KICS2: variants seen among roughly 807,000 people sequenced by gnomAD.
KICS2 encodes KICSTOR subunit 2.
KICS2 carries 13 observed loss-of-function variants against 31.4 expected under a neutral mutation model. The observed-to-expected ratio is 0.41, with a 90% CI of 0.27 to 0.66. The LOEUF is 0.66. Among genes scored for constraint, KICS2 ranks in the 30% least tolerant of loss-of-function variants. The pLI is 0.28. For synonymous variants in KICS2, 209 were observed against 214.8 expected, an observed-to-expected ratio of 0.97 and a Z score of 0.24; for missense variants, 455 against 545.4, an observed-to-expected ratio of 0.83 and a Z score of 1.65.
At chr12:64,196,659 G>A (rs1378676344) in intron 2 of KICS2, among the ~76,000 whole-genome samples, 16 of 147,918 alleles carry the variant, frequency 1.1e-4, no homozygotes, top group African/African-American at 3.7e-4. Flanking sequence ...TCTGAGCTAC[G>A]GGAGGACATT....
At chr12:64,221,004 T>A (rs2037676396) in intron 1 of KICS2, among the ~76,000 whole-genome samples, 1 of 151,138 alleles carries the variant, frequency 6.6e-6, no homozygotes, top group Non-Finnish European at 1.5e-5. Context: ...CTACAGCAAT[T>A]ACGAACTCAG....
At position 64,212,585 on chromosome 12, in the gene KICS2, T is replaced by A. The variant is rs78168194; in HGVS notation, c.521+3093A>T. On this transcript the variant is annotated intron_variant, in intron 2 of 2. Coordinates refer to ENST00000398055, the MANE Select transcript of KICS2 (RefSeq NM_152440.5). The stretch of plus-strand genomic sequence containing the variant: ...ATTTATCCATTCATCCATTGGTCAA[T>A]GGACATTTGGGTTGCTTCTGCCCTT... Among the ~76,000 whole-genome samples the A allele has an allele frequency of 4.1e-4, 62 of 152,326 alleles. 1 individual carries two copies. The highest frequency in any genetic ancestry group is 1.4e-3 in the African/African-American group (60 of 41,580).
At chr12:64,202,912 A>G (rs2037504144) in intron 2 of KICS2, among the ~76,000 whole-genome samples, 1 of 152,038 alleles carries the variant, frequency 6.6e-6, no homozygotes, top group Non-Finnish European at 1.5e-5. Flanking sequence ...ATTTTCACCA[A>G]TACTGTACTT....
chr12:64,192,461 TG>T lies in KICS2; in HGVS notation c.*1380del. The T allele has an allele frequency of 3.2e-6, 1 of 313,824 alleles. No homozygotes were observed. Among genetic ancestry groups the T allele is most frequent in the Non-Finnish European group, 4.6e-6 (1 of 216,058 alleles). 19.4% of individuals were successfully genotyped at this position (313,824 alleles called of 1,614,324 possible). A position where few individuals can be genotyped will look rare whatever the true frequency, so the allele number is the denominator to read the frequency against. ...CTTCTGCCAGGCAGTCCACCCTAGG[TG>T]GGCAGGCTTCCTACATGGACTCTGA... On this transcript the variant is annotated 3_prime_UTR_variant, in exon 3 of 3. Transcript: ENST00000398055.
chr12:64,221,581 ACT>A (rs1191748407), intron 1 of KICS2: 1 of 192,876 alleles, frequency 5.2e-6, no homozygotes, highest in Non-Finnish European at 1.1e-5. Context: ...TCTAAATGTG[ACT>A]CTCGGGCCTT....
chr12:64,187,597 C>T (rs1484861288), downstream of KICS2: 12 of 1,528,114 alleles, frequency 7.9e-6, no homozygotes, highest in East Asian at 2.4e-4. Flanking sequence ...TCTGGAGAAG[C>T]AGCTTAGAAT....
At chr12:64,201,786 T>C (rs1360439352) in intron 2 of KICS2, among the ~76,000 whole-genome samples, 1 of 151,908 alleles carries the variant, frequency 6.6e-6, no homozygotes, top group African/African-American at 2.4e-5. Context: ...GGGGCAAGGT[T>C]GCAGCGAGCT....
intron 2 of KICS2, among the ~76,000 whole-genome samples, chr12:64,197,032 T>C (rs1412636262): frequency 2.7e-5 from 3 of 112,740 alleles, no homozygotes; most frequent in Non-Finnish European, 5.4e-5. Context: ...CTCTGCAGGA[T>C]ATTATCCAGG....
At chr12:64,197,141 A>G (rs1227939179) in intron 2 of KICS2, among the ~76,000 whole-genome samples, 2 of 117,084 alleles carry the variant, frequency 1.7e-5, no homozygotes, top group Admixed American at 9.6e-5. Flanking sequence ...TCCAAGACAC[A>G]TAATTGTCAG....
rs552750361 is a variant in KICS2, at chr12:64,210,555, G to C, written c.521+5123C>G. Among the ~76,000 whole-genome samples the C allele has an allele frequency of 9.9e-5, 15 of 152,230 alleles. No homozygotes were observed. In the South Asian group the frequency reaches 3.1e-3, roughly 32 times the overall value. On this transcript the variant is annotated intron_variant, in intron 2 of 2. Coordinates refer to ENST00000398055, the MANE Select transcript of KICS2 (RefSeq NM_152440.5). ...CTTTGGAAGGCCAAGGCAGGAGGAT[G>C]GCTTGGACGCAGGAGTTCAAGACAA...
intron 2 of KICS2, 44 bp downstream of exon 2, chr12:64,215,634 G>T: frequency 6.5e-7 from 1 of 1,537,446 alleles, no homozygotes; most frequent in Non-Finnish European, 8.9e-7. Context: ...GTGTGGGATT[G>T]ATAGGACAGC....
chr12:64,193,619 G>A lies in KICS2; in HGVS notation c.*223C>T, dbSNP rs1234738359. On this transcript the variant is annotated 3_prime_UTR_variant, in exon 3 of 3. Transcript: ENST00000398055. ...TACTGAAACTACTTTGCTGTACCAT[G>A]GAGACACATGGTAGCCCATGACCAC... The A allele has an allele frequency of 1.5e-5, 20 of 1,367,900 alleles. 1 individual carries two copies. The highest frequency in any genetic ancestry group is 2.7e-4 in the Middle Eastern group (1 of 3,700). The allele number at this position is 1,367,900 out of a possible 1,614,324, so 84.7% of individuals were successfully genotyped here. A position where few individuals can be genotyped will look rare whatever the true frequency, so the allele number is the denominator to read the frequency against.
At position 64,222,159 on chromosome 12, in the gene KICS2, T is replaced by C. The variant is rs778419516; in HGVS notation, c.79A>G (p.Ile27Val). The stretch of plus-strand genomic sequence containing the variant: ...TCCTTAGCCTTGTCGTAAGAGAAGA[T>C]ACCCAGGTGAGAGAAGAACGTCTCC... ...VLETFFSHLG[I>V]FSYDKAKDNV... The change falls in exon 1 of 3, where the codon ATC (isoleucine) becomes GTC (valine). Residue 27 changes from isoleucine (I) to valine (V), a missense_variant. Ile to Val is a conservative substitution (Grantham distance 29). Transcript: ENST00000398055. 6.2e-7 allele frequency: 1 copy of C among 1,613,926 alleles called. No individual in the cohort carries two copies. The highest frequency in any genetic ancestry group is 1.1e-5 in the South Asian group (1 of 91,086).
At chr12:64,203,299 A>T (rs1045337828) in intron 2 of KICS2, among the ~76,000 whole-genome samples, 1 of 152,166 alleles carries the variant, frequency 6.6e-6, no homozygotes, top group Non-Finnish European at 1.5e-5. Flanking sequence ...AATGGCAGGG[A>T]GAGTCCTTCC....
At chr12:64,195,462 T>C (rs2037424952) in intron 2 of KICS2, among the ~76,000 whole-genome samples, 2 of 152,202 alleles carry the variant, frequency 1.3e-5, no homozygotes, top group Non-Finnish European at 2.9e-5. Flanking sequence ...TAAGCTTATA[T>C]GGAAAACACA....
At position 64,194,065 on chromosome 12, in the gene KICS2, G is replaced by A; in HGVS notation, c.1115C>T (p.Thr372Ile). The part of the protein sequence containing the change: ...PNVIMIMTDR[T>I]SDLNSLEKVV... ...TTTCTCCAAGCTGTTCAGATCAGATGTGCGGTCCGTCATGATCATGATGAC... is the reference window on the plus strand; with the variant it reads ...TTTCTCCAAGCTGTTCAGATCAGATATGCGGTCCGTCATGATCATGATGAC... Residue 372 changes from threonine (T) to isoleucine (I), a missense_variant, in exon 3 of 3, where the codon ACA becomes ATA. Thr to Ile is a moderately conservative substitution (Grantham distance 89). Coordinates refer to ENST00000398055, the MANE Select transcript of KICS2 (RefSeq NM_152440.5). The A allele has an allele frequency of 3.1e-6, 5 of 1,614,118 alleles. No homozygotes were observed. Among genetic ancestry groups the A allele is most frequent in the East Asian group, 2.2e-5 (1 of 44,874 alleles).
intron 2 of KICS2, among the ~76,000 whole-genome samples, chr12:64,196,393 T>C (rs1169029365): frequency 6.6e-6 from 1 of 150,998 alleles, no homozygotes; most frequent in Non-Finnish European, 1.5e-5. Context: ...GAGGGTCCTG[T>C]CTGTTAGAAG....
At chr12:64,211,054 T>A (rs766733414) in intron 2 of KICS2, among the ~76,000 whole-genome samples, 9 of 152,138 alleles carry the variant, frequency 5.9e-5, no homozygotes, top group Non-Finnish European at 8.8e-5. Flanking sequence ...GGGATGGGTA[T>A]TTTTCTTAAG....
intron 2 of KICS2, among the ~76,000 whole-genome samples, chr12:64,212,435 C>A (rs1413639917): frequency 6.6e-6 from 1 of 152,162 alleles, no homozygotes; most frequent in South Asian, 2.1e-4. Context: ...TCCATGTGGT[C>A]TTTTATGACT....
Sources: allele counts gnomAD v4.1 joint callset (sites outside exome capture counted in the v4.1 genomes callset), GRCh38; gene constraint gnomAD v4.1.1; transcripts MANE v1.5; gene names NCBI Gene and HGNC (gene_info 2026-07-23, HGNC 2026-07-21).